The following NUP210 variants were observed in gnomAD, a reference collection of about 807,000 sequenced individuals.
The protein encoded by NUP210 is nucleoporin 210.
A neutral mutation model predicts 196.0 loss-of-function variants in NUP210; 151 were observed. The observed-to-expected ratio is 0.77, with a 90% confidence interval of 0.67 to 0.88. NUP210 has a LOEUF of 0.88. Among genes scored for constraint, NUP210 ranks in the 40% least tolerant of loss-of-function variants. NUP210 has a pLI of 0.00. For synonymous variants in NUP210, 1,070 were observed against 1,052.7 expected (o/e 1.02, Z -0.32); for missense variants, 2,314 against 2,493.7 (o/e 0.93, Z 1.53).
chr3:13,370,813 G>A (rs968634250), intron 13 of NUP210, among the ~76,000 whole-genome samples: 12 of 152,202 alleles, frequency 7.9e-5, no homozygotes, highest in African/African-American at 2.7e-4. Context: ...CACCACAGGC[G>A]ATCCTACAAA....
Position 13,384,240 on chromosome 3 carries a change from C to T in NUP210, c.817+2035G>A, listed in dbSNP as rs528420068. On this transcript the variant is annotated intron_variant, in intron 6 of 39. Coordinates refer to ENST00000254508, the MANE Select transcript of NUP210 (RefSeq NM_024923.4). Reference sequence around the variant, plus strand: ...CCTCCCAAAGTGCTGGGATTATGGGCGTGAGCCACCACGCCCGGCCGGCCC... The same window carrying T: ...CCTCCCAAAGTGCTGGGATTATGGGTGTGAGCCACCACGCCCGGCCGGCCC... 3.3e-3 allele frequency among the ~76,000 whole-genome samples: 497 copies of T among 152,266 alleles called. 10 individuals are homozygous for T. Among genetic ancestry groups the T allele is most frequent in the Admixed American group, 0.029 (445 of 15,296 alleles).
chr3:13,339,061 C>T (rs925630941), intron 25 of NUP210, among the ~76,000 whole-genome samples: 2 of 152,154 alleles, frequency 1.3e-5, no homozygotes, highest in African/African-American at 4.8e-5. Flanking sequence ...TGAACCCTAC[C>T]CCATCCCCAG....
At chr3:13,378,223 T>C (rs922471253) in intron 8 of NUP210, among the ~76,000 whole-genome samples, 4 of 144,468 alleles carry the variant, frequency 2.8e-5, no homozygotes, top group African/African-American at 1.0e-4. Flanking sequence ...TGCTTTGAAC[T>C]CTCAGTCCTG....
chr3:13,384,237 G>A (rs964553549), intron 6 of NUP210, among the ~76,000 whole-genome samples: 26 of 152,130 alleles, frequency 1.7e-4, no homozygotes, highest in Non-Finnish European at 3.1e-4. Context: ...CTGGGATTAT[G>A]GGCGTGAGCC....
chr3:13,371,258 C>T (rs932709713), intron 13 of NUP210, among the ~76,000 whole-genome samples: 1 of 152,204 alleles, frequency 6.6e-6, no homozygotes, highest in Non-Finnish European at 1.5e-5. Context: ...TAGGCAGCTA[C>T]AGCTACACAG....
rs537115565 is a variant in NUP210, at chr3:13,340,359, A to C, written c.3229-61T>G. On this transcript the variant is annotated intron_variant, in intron 23 of 39. Transcript: ENST00000254508. The surrounding 1 kb of genome is among the most constrained non-coding windows in gnomAD (Gnocchi z 4.0). ...CCCCAAGCCCATGGCGCCAAGCATA[A>C]CTCACACACTACATGTTTCATGAGA... 7.1e-7 allele frequency: 1 copy of C among 1,413,930 alleles called. No individual in the cohort carries two copies. Among genetic ancestry groups the C allele is most frequent in the East Asian group, 2.3e-5 (1 of 43,670 alleles). The allele number at this position is 1,413,930 out of a possible 1,614,324, so 87.6% of individuals were successfully genotyped here.
intron 13 of NUP210, among the ~76,000 whole-genome samples, chr3:13,369,382 T>G (rs534042379): frequency 6.6e-6 from 1 of 152,338 alleles, no homozygotes; most frequent in East Asian, 1.9e-4. Flanking sequence ...GCCTTTGTAC[T>G]CTGTGGTGTC....
chr3:13,333,640 G>A (rs1471843652), intron 28 of NUP210, among the ~76,000 whole-genome samples: 3 of 152,214 alleles, frequency 2.0e-5, no homozygotes, highest in African/African-American at 7.2e-5. Flanking sequence ...CAAACGGTGA[G>A]AAACAGCCTT....
rs1559337584 is a variant in NUP210 at position 13,379,991 on chromosome 3, G to T, written c.818-270C>A. ...ATTAACCACAATCTATTTGCCAACT[G>T]CTTGGAGAATATTAACATTATGCCA... On this transcript the variant is annotated intron_variant, in intron 6 of 39. Coordinates refer to ENST00000254508, the MANE Select transcript of NUP210 (RefSeq NM_024923.4). This position sits in a 1 kb window ranked among gnomAD's most constrained non-coding sequence, Gnocchi z 4.2. Among the ~76,000 whole-genome samples, 1 of 152,076 alleles carries T rather than the reference G, an allele frequency of 6.6e-6. No homozygotes were observed. Among genetic ancestry groups the T allele is most frequent in the South Asian group, 2.1e-4 (1 of 4,820 alleles).
intron 13 of NUP210, among the ~76,000 whole-genome samples, chr3:13,367,499 T>C (rs1052134564): frequency 6.6e-6 from 1 of 152,164 alleles, no homozygotes; most frequent in Non-Finnish European, 1.5e-5. Flanking sequence ...TTCCACATAC[T>C]GGACCCACCC....
At chr3:13,362,487 T>G (rs986798692) in intron 14 of NUP210, among the ~76,000 whole-genome samples, 10 of 152,204 alleles carry the variant, frequency 6.6e-5, no homozygotes, top group South Asian at 6.2e-4. Flanking sequence ...GCTCCTAAAC[T>G]GCAAGAAAGA....
intron 1 of NUP210, among the ~76,000 whole-genome samples, chr3:13,419,589 G>A (rs1272261436): frequency 2.0e-5 from 3 of 152,200 alleles, no homozygotes; most frequent in African/African-American, 7.2e-5. Context: ...TCCTCCCCGC[G>A]ACGCTAGGCG....
intron 35 of NUP210, 69 bp from the exon 36 acceptor site, chr3:13,321,904 G>A: frequency 6.4e-7 from 1 of 1,555,628 alleles, no homozygotes; most frequent in Non-Finnish European, 8.7e-7. Flanking sequence ...TCTTCTCCCT[G>A]CTTCTCTAAC....
chr3:13,341,782 C>T lies in NUP210; in HGVS notation c.3194G>A (p.Gly1065Glu). The change falls in exon 23 of 40, where the codon GGA becomes GAA. Residue 1065 changes from glycine (G) to glutamate (E), a missense_variant. By Grantham distance (98) the Gly-to-Glu change is moderately conservative. Coordinates refer to ENST00000254508, the MANE Select transcript of NUP210 (RefSeq NM_024923.4). ...SLTASVTNKA[G>E]QRINSAPQQI... ...TTGTGGGGCTGAGTTGATTCTCTGT[C>T]CAGCTTTATTGGTCACACTTGCAGT... is the stretch of plus-strand genomic sequence containing the variant. 3.7e-6 allele frequency: 6 copies of T among 1,614,232 alleles called. No individual in the cohort carries two copies. Among genetic ancestry groups the T allele is most frequent in the Non-Finnish European group, 5.1e-6 (6 of 1,180,042 alleles).
intron 1 of NUP210, among the ~76,000 whole-genome samples, chr3:13,417,982 AAC>A (rs1164811914): frequency 1.3e-5 from 2 of 152,272 alleles, no homozygotes; most frequent in Non-Finnish European, 2.9e-5. Context: ...CAGAGAAAGT[AAC>A]ACACAAATAT....
chr3:13,403,884 C>A (rs188629570), intron 1 of NUP210, among the ~76,000 whole-genome samples: 2 of 152,256 alleles, frequency 1.3e-5, no homozygotes, highest in East Asian at 3.9e-4. Context: ...TGGCTGAGCT[C>A]TGTGCAACAG....
intron 1 of NUP210, among the ~76,000 whole-genome samples, chr3:13,401,259 C>CAAAAAAAAAAAAAAA (rs71066952): frequency 0.14 from 5,963 of 43,566 alleles, 1,418 homozygotes; most frequent in Non-Finnish European, 0.19. Flanking sequence ...GACTCTGGCT[C>CAAAAAAAAAAAAAAA]AAAAAAAAAA....
At chr3:13,343,045 G>C (rs1697576142) in intron 21 of NUP210, 130 bp downstream of exon 21, 1 of 1,118,708 alleles carries the variant, frequency 8.9e-7, no homozygotes, top group South Asian at 1.4e-5. Context: ...AGCTCCGCAA[G>C]CTCACAGGGG....
chr3:13,397,809 T>C (rs966508400), intron 2 of NUP210, among the ~76,000 whole-genome samples: 1 of 152,218 alleles, frequency 6.6e-6, no homozygotes. Context: ...AGGGTTATAG[T>C]ATGATGAGTT....
Sources: gnomAD v4.1 joint callset for allele counts (sites outside exome capture counted in the v4.1 genomes callset) on GRCh38, gnomAD v4.1.1 for gene constraint, Gnocchi (gnomAD v3.1) non-coding constraint, MANE v1.5 for transcripts, NCBI Gene and HGNC (gene_info 2026-07-23, HGNC 2026-07-21) for gene names.